The following SIRPG variants were observed in gnomAD, a reference collection of about 807,000 sequenced individuals.
SIRPG encodes signal-regulatory protein gamma.
A neutral mutation model predicts 35.7 loss-of-function variants in SIRPG; 38 were observed. That is an observed-to-expected ratio of 1.06 (90% CI 0.82 to 1.40). SIRPG has a LOEUF of 1.40. SIRPG is among the 40% of genes most tolerant of loss of function. The pLI is 0.00. For synonymous variants in SIRPG, 215 were observed against 190.4 expected (o/e 1.13, Z -1.06); for missense variants, 519 against 483.0 (o/e 1.07, Z -0.70).
chr20:1,682,139 C>T, the SIRPG span, among the ~76,000 whole-genome samples: 13 of 152,206 alleles, frequency 8.5e-5, no homozygotes, highest in East Asian at 2.3e-3. Flanking sequence ...TTATCTATTG[C>T]TTATCTTAAC....
chr20:1,637,642 T>C (rs2091814961), intron 2 of SIRPG: 1 of 152,304 alleles, frequency 6.6e-6, no homozygotes, highest in Admixed American at 6.5e-5. Context: ...CTGTGCCAAG[T>C]CCCAAATTTG....
chr20:1,678,824 T>C, the SIRPG span, among the ~76,000 whole-genome samples: 1 of 152,062 alleles, frequency 6.6e-6, no homozygotes, highest in Non-Finnish European at 1.5e-5. Flanking sequence ...AGGAAAGAAT[T>C]CTGAAAGCAG....
At chr20:1,675,773 T>G in the SIRPG span, among the ~76,000 whole-genome samples, 1 of 152,226 alleles carries the variant, frequency 6.6e-6, no homozygotes, top group Admixed American at 6.5e-5. Context: ...CAAGAACAGT[T>G]TTTATATTTT....
At chr20:1,666,978 C>T in the SIRPG span, among the ~76,000 whole-genome samples, 11 of 151,514 alleles carry the variant, frequency 7.3e-5, no homozygotes, top group East Asian at 3.9e-4. Context: ...GTGGCGTGAT[C>T]GCGGTTCACC....
chr20:1,631,311 G>A (rs747720615), intron 4 of SIRPG, among the ~76,000 whole-genome samples: 1 of 152,136 alleles, frequency 6.6e-6, no homozygotes, highest in African/African-American at 2.4e-5. Context: ...GAGGAAAGCT[G>A]CACTGCCCAA....
chr20:1,656,759 C>G (rs148458454), intron 1 of SIRPG, among the ~76,000 whole-genome samples: 1 of 152,150 alleles, frequency 6.6e-6, no homozygotes, highest in South Asian at 2.1e-4. Flanking sequence ...GATGGTGGTG[C>G]CTGTTATGGG....
At chr20:1,662,001 G>A (rs144306586), upstream of SIRPG, among the ~76,000 whole-genome samples, 117 of 152,336 alleles carry the variant, frequency 7.7e-4, no homozygotes, top group Middle Eastern at 3.4e-3. Flanking sequence ...GCTTGTGGCT[G>A]TAGCAGCTTT....
At chr20:1,659,062 G>C (rs1263437618), upstream of SIRPG, among the ~76,000 whole-genome samples, 1 of 152,126 alleles carries the variant, frequency 6.6e-6, no homozygotes, top group Non-Finnish European at 1.5e-5. Flanking sequence ...GCTATGGTAG[G>C]AATAATATAA....
intron 4 of SIRPG, among the ~76,000 whole-genome samples, chr20:1,633,968 G>A (rs1420699906): frequency 1.3e-5 from 2 of 152,122 alleles, no homozygotes; most frequent in East Asian, 3.8e-4. Flanking sequence ...CCAATAACCC[G>A]ATCTAAAGGC....
At chr20:1,641,985 A>G (rs1017024846) in intron 2 of SIRPG, among the ~76,000 whole-genome samples, 3 of 152,076 alleles carry the variant, frequency 2.0e-5, no homozygotes, top group African/African-American at 4.8e-5. Context: ...GTTCTTTTGC[A>G]TTTGCTGAGG....
chr20:1,652,140 G>A (rs2091943665), intron 1 of SIRPG, among the ~76,000 whole-genome samples: 1 of 151,998 alleles, frequency 6.6e-6, no homozygotes, highest in South Asian at 2.1e-4. Context: ...GGCTTCTAAC[G>A]CAAAACAAAA....
At chr20:1,650,150 C>A (rs1038609563) in intron 1 of SIRPG, among the ~76,000 whole-genome samples, 9 of 151,246 alleles carry the variant, frequency 6.0e-5, no homozygotes, top group Admixed American at 2.6e-4. Flanking sequence ...AGAGGCTGCC[C>A]ACATTCCTTT....
the SIRPG span, among the ~76,000 whole-genome samples, chr20:1,677,381 G>T: frequency 6.6e-6 from 1 of 152,170 alleles, no homozygotes; most frequent in Non-Finnish European, 1.5e-5. Flanking sequence ...GAAATGATGA[G>T]CATAATACGT....
chr20:1,637,764 A>G (rs2091815988), intron 2 of SIRPG: 1 of 152,164 alleles, frequency 6.6e-6, no homozygotes, highest in Admixed American at 6.5e-5. Context: ...CTTCATCGTT[A>G]ATTCATTACA....
chr20:1,652,026 C>T (rs1397052569), intron 1 of SIRPG, among the ~76,000 whole-genome samples: 1 of 152,200 alleles, frequency 6.6e-6, no homozygotes, highest in Non-Finnish European at 1.5e-5. Flanking sequence ...CCTTTTAGTG[C>T]TTTCAAACAA....
the SIRPG span, among the ~76,000 whole-genome samples, chr20:1,681,994 C>T: frequency 1.3e-5 from 2 of 152,236 alleles, no homozygotes; most frequent in Admixed American, 6.5e-5. Flanking sequence ...GATATAGATG[C>T]TATAGGCCGA....
chr20:1,675,722 T>G, the SIRPG span, among the ~76,000 whole-genome samples: 5 of 152,218 alleles, frequency 3.3e-5, no homozygotes, highest in Non-Finnish European at 7.3e-5. Context: ...TACATTTCTG[T>G]TACATTAGGA....
Position 1,632,891 on chromosome 20 carries a change from T to TA in SIRPG, c.1081+2375dup, listed in dbSNP as rs200908059. Among the ~76,000 whole-genome samples the TA allele has an allele frequency of 5.9e-3, 891 of 151,568 alleles. 13 individuals carry two copies. The highest frequency in any genetic ancestry group is 0.02 in the African/African-American group (842 of 41,290). Reference sequence around the variant, plus strand: ...AAAGCAAGCAGGAGACAGGAATTAATAAAAAGAAGAGTGCAAAAAATGAAT... The same window carrying TA: ...AAAGCAAGCAGGAGACAGGAATTAATAAAAAAGAAGAGTGCAAAAAATGAAT... On this transcript the variant is annotated intron_variant, in intron 4 of 5. Transcript: ENST00000303415.
chr20:1,680,463 G>C, the SIRPG span, among the ~76,000 whole-genome samples: 1 of 152,220 alleles, frequency 6.6e-6, no homozygotes, highest in East Asian at 1.9e-4. Context: ...GCTTCCACTA[G>C]AACACAAAAT....
Sources: gnomAD v4.1 joint callset for allele counts (sites outside exome capture counted in the v4.1 genomes callset) on GRCh38, gnomAD v4.1.1 for gene constraint, MANE v1.5 for transcripts, NCBI Gene and HGNC (gene_info 2026-07-23, HGNC 2026-07-21) for gene names.